IGF2BP3: variants seen among roughly 807,000 people sequenced by gnomAD.
IGF2BP3 encodes insulin-like growth factor 2 mRNA-binding protein 3.
In IGF2BP3, 9 loss-of-function variants were observed where a neutral mutation model predicts 73.8. The ratio of observed to expected loss-of-function variants is 0.12; its 90% CI spans 0.07 to 0.21. The LOEUF (loss-of-function observed/expected upper bound fraction) is 0.21. IGF2BP3 is among the 10% of genes least tolerant of loss of function. The pLI is 1.00. For synonymous variants in IGF2BP3, 258 were observed against 256.7 expected, an observed-to-expected ratio of 1.01 and a Z score of -0.05; for missense variants, 542 against 714.0, an observed-to-expected ratio of 0.76 and a Z score of 2.75.
chr7:23,468,246 A>C (rs1788615150), intron 2 of IGF2BP3, among the ~76,000 whole-genome samples: 1 of 152,202 alleles, frequency 6.6e-6, no homozygotes, highest in African/African-American at 2.4e-5. Flanking sequence ...CTTTCGAGAG[A>C]TTTTGTAACC....
At position 23,312,088 on chromosome 7, in the gene IGF2BP3, G is replaced by C; in HGVS notation, c.*274C>G. The C allele has an allele frequency of 2.4e-6, 1 of 413,832 alleles. No homozygotes were observed. 25.6% of individuals were successfully genotyped at this position (413,832 alleles called of 1,614,324 possible). On this transcript the variant is annotated 3_prime_UTR_variant, in exon 15 of 15. Transcript: ENST00000258729. ...GTTATACTGTGAGACTACAACAAAG[G>C]GAAGTGCAGAGCTCTTCTCTTTCCC... is the stretch of plus-strand genomic sequence containing the variant.
intron 3 of IGF2BP3, among the ~76,000 whole-genome samples, chr7:23,377,244 C>T (rs1785753626): frequency 6.6e-6 from 1 of 152,132 alleles, no homozygotes; most frequent in African/African-American, 2.4e-5. Context: ...AAGGGACTTA[C>T]ATCTAGCATA....
At chr7:23,392,472 GTA>G (rs746204752) in intron 3 of IGF2BP3, among the ~76,000 whole-genome samples, 3,154 of 140,528 alleles carry the variant, frequency 0.022, 91 homozygotes, top group African/African-American at 0.073. Flanking sequence ...ACATATATAT[GTA>G]TATATATATA....
intron 2 of IGF2BP3, among the ~76,000 whole-genome samples, chr7:23,433,358 G>A (rs920691069): frequency 6.6e-6 from 1 of 152,022 alleles, no homozygotes; most frequent in Non-Finnish European, 1.5e-5. Context: ...TGGCTAGTCT[G>A]AATTGAATCG....
chr7:23,375,665 A>G (rs1785694667), intron 3 of IGF2BP3, among the ~76,000 whole-genome samples: 1 of 152,224 alleles, frequency 6.6e-6, no homozygotes, highest in South Asian at 2.1e-4. Flanking sequence ...CAGAATAAGA[A>G]GTGAATTTTC....
intron 3 of IGF2BP3, chr7:23,394,503 AT>A (rs989069608): frequency 1.3e-5 from 2 of 152,244 alleles, no homozygotes; most frequent in African/African-American, 4.8e-5. Flanking sequence ...ACAACAAACC[AT>A]GAGAGAAAAA....
At position 23,465,530 on chromosome 7, in the gene IGF2BP3, C is replaced by CCG. The variant is rs1554338704; in HGVS notation, c.236+2951_236+2952insCG. On this transcript the variant is annotated intron_variant, in intron 2 of 14. Transcript: ENST00000258729. ...TACTACTTCCTGAAAGGGTCCCCCC[C>CCG]CAAGCTCCACTGGAAGTCAAAGCCA... Among the ~76,000 whole-genome samples, 20 of 151,892 alleles carry CCG rather than the reference C, an allele frequency of 1.3e-4. No individual in the cohort carries two copies. The South Asian group carries it at 2.3e-3, about 17-fold the overall frequency.
intron 2 of IGF2BP3, among the ~76,000 whole-genome samples, chr7:23,443,956 CT>C (rs1787997901): frequency 6.6e-6 from 1 of 152,168 alleles, no homozygotes; most frequent in Admixed American, 6.5e-5. Context: ...ATGCAGTGAG[CT>C]GAGATCGCGC....
rs1275794129 is a variant in IGF2BP3, at chr7:23,468,489, T to C, written c.229A>G (p.Arg77Gly). Reference protein sequence around the residue: ...PIEVEHSVPKRQRIRKLQIRN... With the variant: ...PIEVEHSVPKGQRIRKLQIRN... ...ACAGAAGCAGCAGCTCACCTTTGCC[T>C]TTTTGGGACCGAGTGCTCAACTTCT... Residue 77 changes from arginine to glycine, a missense_variant, in exon 2 of 15, where the codon AGG becomes GGG. Arg to Gly is a moderately radical substitution (Grantham distance 125). Coordinates refer to ENST00000258729, the MANE Select transcript of IGF2BP3 (RefSeq NM_006547.3). 2 of 1,614,098 alleles carry C rather than the reference T, an allele frequency of 1.2e-6. No individual in the cohort carries two copies. The highest frequency in any genetic ancestry group is 1.7e-6 in the Non-Finnish European group (2 of 1,179,932).
intron 3 of IGF2BP3, among the ~76,000 whole-genome samples, chr7:23,370,645 G>A (rs549389153): frequency 6.6e-6 from 1 of 151,980 alleles, no homozygotes; most frequent in Admixed American, 6.6e-5. Context: ...TTGTTCTACA[G>A]GGCAAAGGAA....
At chr7:23,451,204 G>A (rs966060254) in intron 2 of IGF2BP3, among the ~76,000 whole-genome samples, 1 of 152,140 alleles carries the variant, frequency 6.6e-6, no homozygotes, top group Non-Finnish European at 1.5e-5. Context: ...GATCACTTGA[G>A]GTCAGGGGTT....
chr7:23,371,154 A>AACACAC (rs60859365), intron 3 of IGF2BP3, among the ~76,000 whole-genome samples: 5,648 of 148,822 alleles, frequency 0.038, 162 homozygotes, highest in South Asian at 0.089. Context: ...ACACCTTGCC[A>AACACAC]ACACACACAC....
rs373876363 is a variant in IGF2BP3 at position 23,378,401 on chromosome 7, G to GTTTTTTTTTTTTTTTTTTTTT, written c.286-16661_286-16660insAAAAAAAAAAAAAAAAAAAAA. 1.2e-4 allele frequency among the ~76,000 whole-genome samples: 16 copies of GTTTTTTTTTTTTTTTTTTTTT among 128,064 alleles called. 3 individuals are homozygous for GTTTTTTTTTTTTTTTTTTTTT. The highest frequency in any genetic ancestry group is 6.0e-4 in the African/African-American group (16 of 26,794). 84.0% of individuals were successfully genotyped at this position (128,064 alleles called of 152,430 possible). On this transcript the variant is annotated intron_variant, in intron 3 of 14. Coordinates refer to ENST00000258729, the MANE Select transcript of IGF2BP3 (RefSeq NM_006547.3). ...AGGAAAATAGACATTTCTCTTCTTG[G>GTTTTTTTTTTTTTTTTTTTTT]TTTTTTTTTGAGACAGAGTCTCGCT...
intron 2 of IGF2BP3, among the ~76,000 whole-genome samples, chr7:23,426,775 T>C (rs1172263158): frequency 6.6e-6 from 1 of 152,206 alleles, no homozygotes; most frequent in East Asian, 1.9e-4. Context: ...TGGGAGTTGT[T>C]ACCTCTGATA....
chr7:23,437,606 T>C (rs1365150542), intron 2 of IGF2BP3, among the ~76,000 whole-genome samples: 1 of 152,176 alleles, frequency 6.6e-6, no homozygotes, highest in African/African-American at 2.4e-5. Flanking sequence ...CCAATTCTGA[T>C]AGAAGCAAAA....
chr7:23,359,033 C>A (rs1043263667), intron 5 of IGF2BP3, among the ~76,000 whole-genome samples: 2 of 152,202 alleles, frequency 1.3e-5, no homozygotes, highest in African/African-American at 2.4e-5. Context: ...AATCAAAATG[C>A]CTAATTTATT....
intron 2 of IGF2BP3, among the ~76,000 whole-genome samples, chr7:23,429,445 G>C (rs1332399705): frequency 1.3e-5 from 2 of 152,114 alleles, no homozygotes; most frequent in African/African-American, 2.4e-5. Flanking sequence ...ATATGTATTT[G>C]AGCATTCTGG....
intron 9 of IGF2BP3, 26 bp downstream of exon 9, chr7:23,343,692 G>C (rs370668775): frequency 1.8e-4 from 285 of 1,587,774 alleles, no homozygotes; most frequent in Non-Finnish European, 2.4e-4. Flanking sequence ...TTAAAATAAA[G>C]ACATGCCCTT....
At chr7:23,359,354 A>G (rs1251910390) in intron 5 of IGF2BP3, among the ~76,000 whole-genome samples, 3 of 152,254 alleles carry the variant, frequency 2.0e-5, no homozygotes, top group Non-Finnish European at 4.4e-5. Flanking sequence ...TACATAGCTT[A>G]TGTCTCCAAC....
Sources: gnomAD v4.1 joint callset for allele counts (sites outside exome capture counted in the v4.1 genomes callset) on GRCh38, gnomAD v4.1.1 for gene constraint, MANE v1.5 for transcripts, NCBI Gene and HGNC (gene_info 2026-07-23, HGNC 2026-07-21) for gene names.